The following HHAT variants were observed in gnomAD, a reference collection of about 807,000 sequenced individuals.
HHAT encodes hedgehog acyltransferase, also known as protein-cysteine N-palmitoyltransferase HHAT.
Under a neutral mutation model 70.8 loss-of-function variants are expected in HHAT, and 47 were observed. That is an observed-to-expected ratio of 0.66 (90% CI 0.53 to 0.85). The LOEUF is 0.85. HHAT is among the 40% of genes least tolerant of loss of function. The pLI, the probability that HHAT is intolerant of heterozygous loss-of-function variation, is 0.00. For missense variants in HHAT, 609 were observed against 604.8 expected (o/e 1.01, Z -0.07); for synonymous variants, 228 against 247.6 (o/e 0.92, Z 0.74).
At chr1:210,439,754 G>A (rs1016588485) in intron 7 of HHAT, 9 of 151,854 alleles carry the variant, frequency 5.9e-5, no homozygotes, top group Non-Finnish European at 1.0e-4. Flanking sequence ...GGGTCTTCAG[G>A]TAAGGCCAGA....
At chr1:210,589,717 A>AT (rs1558226793) in intron 10 of HHAT, 1 of 152,240 alleles carries the variant, frequency 6.6e-6, no homozygotes, top group Non-Finnish European at 1.5e-5. Flanking sequence ...CAACTGTGCC[A>AT]TGTAGCCTGT....
chr1:210,491,806 A>G (rs527955820), intron 8 of HHAT, among the ~76,000 whole-genome samples: 2 of 152,250 alleles, frequency 1.3e-5, no homozygotes, highest in South Asian at 2.1e-4. Flanking sequence ...TCTGTCGTCC[A>G]GGGTGGAGTG....
intron 6 of HHAT, among the ~76,000 whole-genome samples, chr1:210,406,720 A>C (rs1321784871): frequency 6.6e-6 from 1 of 152,080 alleles, no homozygotes; most frequent in Non-Finnish European, 1.5e-5. Context: ...TCTAGTAAGA[A>C]TATTAGAGGC....
intron 11 of HHAT, among the ~76,000 whole-genome samples, chr1:210,653,164 T>C (rs867574568): frequency 2.0e-5 from 3 of 151,206 alleles, no homozygotes; most frequent in Admixed American, 6.6e-5. Context: ...CATGGGACAA[T>C]TCCCAAGATA....
intron 7 of HHAT, among the ~76,000 whole-genome samples, chr1:210,420,720 A>G (rs967871806): frequency 3.3e-5 from 5 of 152,044 alleles, no homozygotes; most frequent in African/African-American, 7.2e-5. Context: ...AGGTGTGTGC[A>G]TGAGTGTATG....
chr1:210,439,672 C>T lies in HHAT; in HGVS notation c.856+21347C>T, dbSNP rs188960450. Reference sequence around the variant, plus strand: ...TGGGGCTCATTTCTAGACAGTGAGGCGTGATGAGCAGGAGAGATGAAGAAA... The same window carrying T: ...TGGGGCTCATTTCTAGACAGTGAGGTGTGATGAGCAGGAGAGATGAAGAAA... On this transcript the variant is annotated intron_variant, in intron 7 of 11. Transcript: ENST00000261458. 1.2e-3 allele frequency: 175 copies of T among 152,008 alleles called. 2 individuals carry two copies. Among genetic ancestry groups the T allele is most frequent in the African/African-American group, 3.9e-3 (159 of 41,276 alleles). The allele number at this position is 152,008 out of a possible 1,614,324, so 9.4% of individuals were successfully genotyped here. A position where few individuals can be genotyped will look rare whatever the true frequency, so the allele number is the denominator to read the frequency against.
At chr1:210,561,507 G>A (rs17016452) in intron 9 of HHAT, among the ~76,000 whole-genome samples, 9,096 of 152,130 alleles carry the variant, frequency 0.06, 863 homozygotes, top group African/African-American at 0.2. Context: ...ATAGGTTTAC[G>A]TGTGGCAAGT....
rs912730745 is a variant in HHAT at position 210,549,326 on chromosome 1, G to A, written c.1043+36138G>A. On this transcript the variant is annotated intron_variant, in intron 9 of 11. Transcript: ENST00000261458. ...TTGGTATTGAGCCATTGGCAATAAA[G>A]CCTTTTAGGAAATGCATTTTGTCAG... Among the ~76,000 whole-genome samples, 3 of 149,260 alleles carry A rather than the reference G, an allele frequency of 2.0e-5. 1 individual carries two copies. Among genetic ancestry groups the A allele is most frequent in the Admixed American group, 1.4e-4 (2 of 14,580 alleles).
intron 10 of HHAT, among the ~76,000 whole-genome samples, chr1:210,591,114 T>C (rs1208818758): frequency 6.6e-6 from 1 of 152,178 alleles, no homozygotes; most frequent in East Asian, 1.9e-4. Flanking sequence ...TATGTAATAA[T>C]TGTTGACTGC....
intron 6 of HHAT, among the ~76,000 whole-genome samples, chr1:210,411,330 G>A (rs1212384570): frequency 1.3e-5 from 2 of 152,214 alleles, no homozygotes; most frequent in Non-Finnish European, 2.9e-5. Context: ...TTATGCTGAA[G>A]AGCCTGTAGG....
At chr1:210,557,415 C>T (rs1002802556) in intron 9 of HHAT, among the ~76,000 whole-genome samples, 3 of 152,140 alleles carry the variant, frequency 2.0e-5, no homozygotes, top group African/African-American at 2.4e-5. Context: ...CCCAGCCTGA[C>T]GATCAGAACC....
chr1:210,398,667 T>G (rs2091917762), intron 4 of HHAT, among the ~76,000 whole-genome samples: 1 of 152,226 alleles, frequency 6.6e-6, no homozygotes, highest in African/African-American at 2.4e-5. Flanking sequence ...AACATAACTG[T>G]GTCTATGTAT....
intron 9 of HHAT, among the ~76,000 whole-genome samples, chr1:210,543,662 T>C (rs1334030762): frequency 2.6e-5 from 4 of 152,168 alleles, no homozygotes; most frequent in Non-Finnish European, 4.4e-5. Flanking sequence ...TTTCTTTGAA[T>C]TCATTTTTGG....
At chr1:210,364,224 T>C (rs949465041) in intron 3 of HHAT, among the ~76,000 whole-genome samples, 7 of 152,250 alleles carry the variant, frequency 4.6e-5, no homozygotes, top group Non-Finnish European at 1.0e-4. Context: ...ATGTTTCTTA[T>C]TTAAATAAGC....
intron 11 of HHAT, among the ~76,000 whole-genome samples, chr1:210,653,301 G>T (rs1361026772): frequency 6.6e-6 from 1 of 152,150 alleles, no homozygotes; most frequent in Non-Finnish European, 1.5e-5. Flanking sequence ...CCAGCACTTT[G>T]GGAGGCTGAG....
At chr1:210,348,328 T>C (rs1012689775) in intron 1 of HHAT, among the ~76,000 whole-genome samples, 2 of 152,168 alleles carry the variant, frequency 1.3e-5, no homozygotes, top group South Asian at 4.1e-4. Flanking sequence ...CTCGAACTCC[T>C]GGCCTCAAGT....
intron 8 of HHAT, among the ~76,000 whole-genome samples, chr1:210,477,306 C>T (rs964774257): frequency 2.0e-5 from 3 of 152,180 alleles, no homozygotes; most frequent in Non-Finnish European, 4.4e-5. Flanking sequence ...ATGCATTTGG[C>T]CTCCAATTAG....
intron 11 of HHAT, among the ~76,000 whole-genome samples, chr1:210,637,487 G>A (rs1305012734): frequency 1.3e-5 from 2 of 152,108 alleles, no homozygotes. Flanking sequence ...CAGAATATGA[G>A]AAATTTTTGC....
intron 9 of HHAT, 49 bp downstream of exon 9, chr1:210,513,237 A>G (rs762261591): frequency 2.2e-6 from 2 of 919,782 alleles, no homozygotes; most frequent in Non-Finnish European, 3.5e-6. Flanking sequence ...CATGTCTATT[A>G]TGAAAGATTG....
Sources: allele counts gnomAD v4.1 joint callset (sites outside exome capture counted in the v4.1 genomes callset), GRCh38; gene constraint gnomAD v4.1.1; transcripts MANE v1.5; gene names NCBI Gene and HGNC (gene_info 2026-07-23, HGNC 2026-07-21).